SLC25A48: variants seen among roughly 807,000 people sequenced by gnomAD.
SLC25A48 encodes the protein CTC-321K16.1.
A neutral mutation model predicts 32.2 loss-of-function variants in SLC25A48; 29 were observed. That is an observed-to-expected ratio of 0.90 (90% confidence interval 0.67 to 1.23). SLC25A48 has a LOEUF of 1.23. Among genes scored for constraint, SLC25A48 ranks in the 50% most tolerant of loss-of-function variants. The pLI, the probability that SLC25A48 is intolerant of heterozygous loss-of-function variation, is 0.00. For missense variants in SLC25A48, 399 were observed against 422.7 expected (o/e 0.94, Z 0.49); for synonymous variants, 164 against 172.3 (o/e 0.95, Z 0.38).
At position 135,879,503 on chromosome 5, in the gene SLC25A48, T is replaced by C. The variant is rs1237177892; in HGVS notation, c.814-465T>C. ...CTCGAGTTCTGTTCTCTGCCACTTT[T>C]GGGATGTCCTGTGAAGCCCCTGCTA... On this transcript the variant is annotated intron_variant, in intron 6 of 7. Coordinates refer to ENST00000681962, the MANE Select transcript of SLC25A48 (RefSeq NM_001349336.2). Among the ~76,000 whole-genome samples the C allele has an allele frequency of 2.0e-5, 3 of 151,998 alleles. No individual in the cohort carries two copies. In the East Asian group the frequency reaches 5.8e-4, roughly 29 times the overall value.
At chr5:135,777,792 G>T (rs907427423) in intron 3 of SLC25A48, among the ~76,000 whole-genome samples, 1 of 151,284 alleles carries the variant, frequency 6.6e-6, no homozygotes, top group Non-Finnish European at 1.5e-5. Flanking sequence ...TCCGGGGGGG[G>T]GGGGAATGTT....
At chr5:135,876,927 T>G (rs1762107396) in intron 6 of SLC25A48, among the ~76,000 whole-genome samples, 1 of 152,092 alleles carries the variant, frequency 6.6e-6, no homozygotes, top group Non-Finnish European at 1.5e-5. Context: ...CCCCAAGCAT[T>G]CTTGACTGTG....
At chr5:135,807,233 G>T (rs889725840) in intron 3 of SLC25A48, among the ~76,000 whole-genome samples, 7 of 149,944 alleles carry the variant, frequency 4.7e-5, no homozygotes, top group Non-Finnish European at 8.9e-5. Flanking sequence ...AAATATCATG[G>T]CTATTTCATG....
At chr5:135,622,633 A>T (rs1411474247) in intron 1 of SLC25A48, among the ~76,000 whole-genome samples, 1 of 152,210 alleles carries the variant, frequency 6.6e-6, no homozygotes, top group Non-Finnish European at 1.5e-5. Context: ...TAGAGAAAAG[A>T]TGGAAAGAAG....
intron 6 of SLC25A48, among the ~76,000 whole-genome samples, chr5:135,874,446 T>G (rs1485648535): frequency 4.6e-5 from 7 of 152,214 alleles, no homozygotes; most frequent in Admixed American, 4.6e-4. Flanking sequence ...CATTTCTGTC[T>G]GTCTCCGCAT....
chr5:135,775,859 ATT>A (rs1477725262), intron 3 of SLC25A48, among the ~76,000 whole-genome samples: 2 of 151,160 alleles, frequency 1.3e-5, no homozygotes. Context: ...CTTTTGTGAT[ATT>A]GTTTCTATTA....
chr5:135,838,711 C>T (rs1019969292), intron 1 of SLC25A48, among the ~76,000 whole-genome samples: 3 of 152,238 alleles, frequency 2.0e-5, no homozygotes, highest in Non-Finnish European at 2.9e-5. Context: ...AAGCCCCAAG[C>T]CTTGGCAGCT....
chr5:135,782,093 G>C (rs1162814536), intron 3 of SLC25A48, among the ~76,000 whole-genome samples: 1 of 115,678 alleles, frequency 8.6e-6, no homozygotes, highest in Non-Finnish European at 2.1e-5. Flanking sequence ...CAGAGATTAG[G>C]ATACTAGACC....
chr5:135,875,957 C>T (rs1026240847), intron 6 of SLC25A48: 3 of 152,044 alleles, frequency 2.0e-5, no homozygotes, highest in African/African-American at 7.2e-5. Context: ...AGATGTGATA[C>T]GGAGGAAACT....
rs1323648044 is a variant in SLC25A48, at chr5:135,780,687, C to T, written c.-520-31836C>T. On this transcript the variant is annotated intron_variant, in intron 3 of 10. Coordinates refer to the SLC25A48 transcript ENST00000646290. ...ATGTCATAAAGGGTATATATTCACT[C>T]GGTGTTATTTTTCCTTATATCCAGG... Among the ~76,000 whole-genome samples the T allele has an allele frequency of 3.4e-5, 4 of 116,164 alleles. 1 individual carries two copies. Among genetic ancestry groups the T allele is most frequent in the Non-Finnish European group, 8.5e-5 (4 of 47,192 alleles). The allele number at this position is 116,164 out of a possible 152,430, so 76.2% of individuals were successfully genotyped here.
rs35163080 is a variant in SLC25A48 at position 135,790,993 on chromosome 5, C to CGG, written c.-520-21523_-520-21522dup. ...CCCTTTGATATTATTTGTATAATTA[C>CGG]GGGGGGGGTGTTACTTCTAATGTCA... On this transcript the variant is annotated intron_variant, in intron 3 of 10. Transcript: ENST00000646290. Among the ~76,000 whole-genome samples, 1,153 of 150,418 alleles carry CGG rather than the reference C, an allele frequency of 7.7e-3. 16 individuals carry two copies. Among genetic ancestry groups the CGG allele is most frequent in the African/African-American group, 0.027 (1,091 of 40,560 alleles).
At chr5:135,703,868 T>C (rs1244160776) in intron 3 of SLC25A48, among the ~76,000 whole-genome samples, 1 of 152,194 alleles carries the variant, frequency 6.6e-6, no homozygotes, top group Non-Finnish European at 1.5e-5. Flanking sequence ...TAGCATCCTT[T>C]TTCTGCGTAC....
chr5:135,599,581 C>T (rs1434644954), intron 1 of SLC25A48, among the ~76,000 whole-genome samples: 4 of 152,168 alleles, frequency 2.6e-5, no homozygotes, highest in African/African-American at 9.7e-5. Flanking sequence ...GCTGGGGAAA[C>T]CGAGGCTGGG....
At chr5:135,623,542 T>A (rs1386297009) in intron 1 of SLC25A48, among the ~76,000 whole-genome samples, 1 of 152,150 alleles carries the variant, frequency 6.6e-6, no homozygotes, top group Non-Finnish European at 1.5e-5. Context: ...CTCTTGTTGT[T>A]CAAACATGAA....
upstream of SLC25A48, among the ~76,000 whole-genome samples, chr5:135,831,789 A>G (rs12515184): frequency 0.14 from 21,770 of 152,284 alleles, 1,916 homozygotes; most frequent in Middle Eastern, 0.2. Flanking sequence ...GAAAGTCATC[A>G]AAGTTCACTA....
intron 3 of SLC25A48, among the ~76,000 whole-genome samples, chr5:135,728,655 G>A (rs1755149506): frequency 6.6e-6 from 1 of 152,036 alleles, no homozygotes; most frequent in Non-Finnish European, 1.5e-5. Context: ...ACTTCCTCAG[G>A]AAAAACTTAT....
At chr5:135,796,132 A>G (rs1354972425) in intron 3 of SLC25A48, among the ~76,000 whole-genome samples, 1 of 151,130 alleles carries the variant, frequency 6.6e-6, no homozygotes, top group South Asian at 2.1e-4. Flanking sequence ...CACAATATCC[A>G]TGGTGGGAGA....
chr5:135,704,266 G>A (rs1349442495), intron 3 of SLC25A48, among the ~76,000 whole-genome samples: 1 of 152,188 alleles, frequency 6.6e-6, no homozygotes, highest in East Asian at 1.9e-4. Flanking sequence ...AAACAAGGCT[G>A]TTTTCTTCAC....
intron 3 of SLC25A48, among the ~76,000 whole-genome samples, chr5:135,787,422 C>T (rs919071436): frequency 6.6e-6 from 1 of 151,768 alleles, no homozygotes; most frequent in African/African-American, 2.4e-5. Context: ...GGATATTACA[C>T]CTAATATCAC....
Sources: gnomAD v4.1 joint callset for allele counts (sites outside exome capture counted in the v4.1 genomes callset) on GRCh38, gnomAD v4.1.1 for gene constraint, MANE v1.5 for transcripts, NCBI Gene and HGNC (gene_info 2026-07-23, HGNC 2026-07-21) for gene names.